The following DST variants were observed in gnomAD, a reference collection of about 807,000 sequenced individuals.
The protein encoded by DST is bullous pemphigoid antigen.
In DST, 253 loss-of-function variants were observed where a neutral mutation model predicts 875.2. That is an observed-to-expected ratio of 0.29 (90% CI 0.26 to 0.32). The LOEUF (loss-of-function observed/expected upper bound fraction) is 0.32, where lower values mean the gene tolerates loss of function less well. Among genes scored for constraint, DST ranks in the 10% least tolerant of loss-of-function variants. The pLI is 1.00. For missense variants in DST, 8,287 were observed against 9,111.6 expected, an observed-to-expected ratio of 0.91 and a Z score of 3.68; for synonymous variants, 3,124 against 3,197.1, an observed-to-expected ratio of 0.98 and a Z score of 0.77.
intron 50 of DST, among the ~76,000 whole-genome samples, chr6:56,577,131 T>A (rs1166151599): frequency 6.6e-6 from 1 of 152,058 alleles, no homozygotes; most frequent in East Asian, 1.9e-4. Flanking sequence ...CCTTAAATAG[T>A]TTCACATATT....
intron 4 of DST, among the ~76,000 whole-genome samples, chr6:56,785,483 G>T (rs1251545362): frequency 1.3e-5 from 2 of 152,184 alleles, no homozygotes; most frequent in Non-Finnish European, 2.9e-5. Flanking sequence ...CTAGCAATCA[G>T]TGAGACTCGG....
chr6:56,907,943 G>A (rs1018294118), intron 2 of DST, among the ~76,000 whole-genome samples: 7 of 152,092 alleles, frequency 4.6e-5, no homozygotes, highest in Admixed American at 2.6e-4. Context: ...GGTGGCACAC[G>A]CCTATAATCC....
intron 3 of DST, chr6:56,864,074 T>G (rs968767324): frequency 2.0e-5 from 3 of 152,246 alleles, no homozygotes; most frequent in African/African-American, 7.2e-5. Context: ...TAAAGCAGAT[T>G]ATCCTCCATA....
chr6:56,484,683 A>G (rs1354983983), intron 88 of DST: 1 of 152,280 alleles, frequency 6.6e-6, no homozygotes. Context: ...TGGACCTTAC[A>G]CTTAGTTGGA....
At chr6:56,744,278 G>C (rs752733823) in intron 4 of DST, among the ~76,000 whole-genome samples, 10 of 151,642 alleles carry the variant, frequency 6.6e-5, no homozygotes, top group Non-Finnish European at 1.2e-4. Context: ...GCTTCACTAA[G>C]AAGTTACATC....
At chr6:56,795,782 T>C (rs1465607896) in intron 4 of DST, among the ~76,000 whole-genome samples, 1 of 152,044 alleles carries the variant, frequency 6.6e-6, no homozygotes, top group African/African-American at 2.4e-5. Context: ...TGAGATTTTG[T>C]AATAGCAATA....
intron 5 of DST, among the ~76,000 whole-genome samples, chr6:56,708,993 T>C (rs1297832857): frequency 6.6e-6 from 1 of 152,148 alleles, no homozygotes; most frequent in Non-Finnish European, 1.5e-5. Context: ...GTTCTCCCTA[T>C]GGGACAAAAA....
intron 36 of DST, chr6:56,618,696 CAA>C: frequency 6.2e-7 from 1 of 1,613,830 alleles, no homozygotes; most frequent in Non-Finnish European, 8.5e-7. Flanking sequence ...TGAAGAGACA[CAA>C]AGTCAAGCCT....
chr6:56,773,851 C>T lies in DST; in HGVS notation c.626-38562G>A, dbSNP rs573757518. On this transcript the variant is annotated intron_variant, in intron 4 of 103. Coordinates refer to ENST00000680361, the MANE Select transcript of DST (RefSeq NM_001374736.1). ...ATTTCTCTCAGGCTGGGCGCGGTGG[C>T]TCACGCCTGTAATCCCAGCACTTTG... Among the ~76,000 whole-genome samples the T allele has an allele frequency of 1.1e-4, 16 of 152,294 alleles. No individual in the cohort carries two copies. In the South Asian group the frequency reaches 3.3e-3, roughly 32 times the overall value.
intron 33 of DST, among the ~76,000 whole-genome samples, chr6:56,627,728 A>T (rs1422143622): frequency 6.6e-6 from 1 of 152,180 alleles, no homozygotes; most frequent in Non-Finnish European, 1.5e-5. Flanking sequence ...AGATTTCTAT[A>T]CCTATGATTA....
At chr6:56,702,515 AAAG>A (rs1313181175) in intron 7 of DST, among the ~76,000 whole-genome samples, 1 of 152,188 alleles carries the variant, frequency 6.6e-6, no homozygotes. Context: ...CATGATAGAG[AAAG>A]AGAGAAAACC....
chr6:56,757,733 C>G (rs572711488), intron 4 of DST, among the ~76,000 whole-genome samples: 8 of 152,164 alleles, frequency 5.3e-5, no homozygotes, highest in African/African-American at 1.9e-4. Flanking sequence ...GACACAGACC[C>G]GATGAATATG....
At chr6:56,609,822 C>T (rs2098529417) in intron 39 of DST, among the ~76,000 whole-genome samples, 1 of 152,052 alleles carries the variant, frequency 6.6e-6, no homozygotes, top group African/African-American at 2.4e-5. Flanking sequence ...TACATACCCC[C>T]AAAATGTGAC....
chr6:56,541,900 C>A (rs2097132915), intron 61 of DST, among the ~76,000 whole-genome samples: 1 of 152,190 alleles, frequency 6.6e-6, no homozygotes, highest in African/African-American at 2.4e-5. Flanking sequence ...AGAAAATAAA[C>A]AAACACACAC....
At chr6:56,843,716 G>T in intron 4 of DST, 1 of 363,722 alleles carries the variant, frequency 2.7e-6, no homozygotes, top group Non-Finnish European at 3.8e-6. Flanking sequence ...GGAGGGTGGA[G>T]GGTGGAGGGT....
At chr6:56,626,488 C>T (rs1212375286) in intron 34 of DST, among the ~76,000 whole-genome samples, 1 of 151,832 alleles carries the variant, frequency 6.6e-6, no homozygotes, top group East Asian at 1.9e-4. Context: ...GAGCAAGAGG[C>T]TGTACCATAT....
At chr6:56,641,270 A>G (rs1338651200) in intron 17 of DST, among the ~76,000 whole-genome samples, 1 of 152,150 alleles carries the variant, frequency 6.6e-6, no homozygotes, top group African/African-American at 2.4e-5. Context: ...GGATAAACAG[A>G]AAACTAAAAA....
At chr6:56,708,237 C>T (rs2099349034) in intron 5 of DST, among the ~76,000 whole-genome samples, 1 of 151,956 alleles carries the variant, frequency 6.6e-6, no homozygotes, top group South Asian at 2.1e-4. Context: ...GGTTGGAAAA[C>T]AGAAAACTCC....
rs1342385118 is a variant in DST at position 56,634,923 on chromosome 6, T to C, written c.3217A>G (p.Ser1073Gly). The C allele has an allele frequency of 1.2e-6, 2 of 1,613,310 alleles. No individual in the cohort carries two copies. The highest frequency in any genetic ancestry group is 2.2e-5 in the South Asian group (2 of 91,076). ...EEKEELLQYK[S>G]TIANLMGKAK... ...TTTCCCATTAGGTTTGCTATAGTGC[T>C]TTTGTACTGCAGAAGTTCTTCTTTC... Residue 1073 changes from serine to glycine, a missense_variant, in exon 25 of 104, where the codon AGC becomes GGC. By Grantham distance (56) the Ser-to-Gly change is moderately conservative (BLOSUM62 0). Coordinates refer to ENST00000680361, the MANE Select transcript of DST (RefSeq NM_001374736.1).
Sources: gnomAD v4.1 joint callset for allele counts (sites outside exome capture counted in the v4.1 genomes callset) on GRCh38, gnomAD v4.1.1 for gene constraint, MANE v1.5 for transcripts, NCBI Gene and HGNC (gene_info 2026-07-23, HGNC 2026-07-21) for gene names.